Variants in STK3 observed in about 807,000 individuals in gnomAD.
The protein encoded by STK3 is serine/threonine kinase 3.
Under a neutral mutation model 58.0 loss-of-function variants are expected in STK3, and 41 were observed. The ratio of observed to expected loss-of-function variants is 0.71; its 90% CI spans 0.55 to 0.92. The LOEUF is 0.92. STK3 is among the 40% of genes least tolerant of loss of function. STK3 has a pLI of 0.00. For missense variants in STK3, 479 were observed against 602.7 expected, an observed-to-expected ratio of 0.79 and a Z score of 2.15; for synonymous variants, 170 against 191.0, an observed-to-expected ratio of 0.89 and a Z score of 0.91.
intron 6 of STK3, among the ~76,000 whole-genome samples, chr8:98,642,858 C>CTGTT (rs924875508): frequency 3.3e-5 from 5 of 152,196 alleles, no homozygotes; most frequent in African/African-American, 1.2e-4. Context: ...GACATCCAAA[C>CTGTT]TGTTTAAATC....
intron 1 of STK3, among the ~76,000 whole-genome samples, chr8:98,925,481 C>T (rs1259356531): frequency 1.3e-5 from 2 of 152,194 alleles, no homozygotes; most frequent in Admixed American, 6.5e-5. Context: ...ATGCCTCACT[C>T]ACTCATTTAC....
At chr8:98,385,565 G>A (rs1817782104) in intron 1 of STK3, among the ~76,000 whole-genome samples, 1 of 152,036 alleles carries the variant, frequency 6.6e-6, no homozygotes, top group African/African-American at 2.4e-5. Context: ...CAGGAAGGAG[G>A]GCGTCTCAGC....
chr8:98,545,748 CATCTT>C (rs1810648482), intron 9 of STK3, among the ~76,000 whole-genome samples: 1 of 152,124 alleles, frequency 6.6e-6, no homozygotes, highest in Non-Finnish European at 1.5e-5. Flanking sequence ...ATACTGCTAT[CATCTT>C]ATTAGGGAAC....
the STK3 span, among the ~76,000 whole-genome samples, chr8:98,347,397 C>A: frequency 6.6e-6 from 1 of 151,750 alleles, no homozygotes; most frequent in African/African-American, 2.4e-5. Context: ...CGCCTGTAGT[C>A]CCAGCTACTC....
chr8:98,420,677 AC>A (rs1399700570), intron 3 of STK3, among the ~76,000 whole-genome samples: 2 of 152,168 alleles, frequency 1.3e-5, no homozygotes, highest in Admixed American at 6.5e-5. Flanking sequence ...TACCACAGAG[AC>A]ATGTTTGAGT....
At chr8:98,472,571 T>C (rs1586646632) in intron 10 of STK3, among the ~76,000 whole-genome samples, 1 of 152,184 alleles carries the variant, frequency 6.6e-6, no homozygotes, top group South Asian at 2.1e-4. Flanking sequence ...GATAATTCTG[T>C]AAACAGGCAT....
rs1813705220 is a variant in STK3, at chr8:98,579,714, T to C, written c.898A>G (p.Lys300Glu). The C allele has an allele frequency of 1.2e-6, 2 of 1,610,682 alleles. No homozygotes were observed. Among genetic ancestry groups the C allele is most frequent in the African/African-American group, 1.3e-5 (1 of 74,756 alleles). Reference sequence around the variant, plus strand: ...TCTCGTTGCTGTTCCTCATGTCTTTTAGCTTTGATCTCCATAGCTTCTGTG... The same window carrying C: ...TCTCGTTGCTGTTCCTCATGTCTTTCAGCTTTGATCTCCATAGCTTCTGTG... ...LITEAMEIKA[K>E]RHEEQQRELE... Residue 300 changes from lysine (K) to glutamate (E), a missense_variant, in exon 8 of 11, where the codon AAA becomes GAA. Physicochemically the swap from Lys to Glu is moderately conservative, Grantham distance 56. This residue lies in a region of STK3 where 309 missense variants were observed against 355.7 expected (regional missense o/e 0.87). Transcript: ENST00000419617.
chr8:98,790,815 T>C (rs1832757579), intron 1 of STK3, among the ~76,000 whole-genome samples: 1 of 152,030 alleles, frequency 6.6e-6, no homozygotes, highest in African/African-American at 2.4e-5. Context: ...AAACCCCGTC[T>C]CTACTAAAAA....
chr8:98,496,327 G>A (rs968423983), intron 10 of STK3, among the ~76,000 whole-genome samples: 1 of 151,996 alleles, frequency 6.6e-6, no homozygotes, highest in African/African-American at 2.4e-5. Flanking sequence ...CAGGATACAA[G>A]ATCAATATAT....
intron 1 of STK3, among the ~76,000 whole-genome samples, chr8:98,381,997 C>T (rs1297937109): frequency 6.6e-6 from 1 of 152,132 alleles, no homozygotes; most frequent in Non-Finnish European, 1.5e-5. Context: ...TTTTTGTCAC[C>T]TCCCCCCACT....
intron 10 of STK3, among the ~76,000 whole-genome samples, chr8:98,461,181 A>G (rs1187325020): frequency 6.6e-6 from 1 of 152,094 alleles, no homozygotes; most frequent in Non-Finnish European, 1.5e-5. Context: ...AGTTAGGTGC[A>G]TATTTATTTA....
At chr8:98,524,931 T>G (rs1825639389) in intron 10 of STK3, among the ~76,000 whole-genome samples, 1 of 152,222 alleles carries the variant, frequency 6.6e-6, no homozygotes, top group Non-Finnish European at 1.5e-5. Flanking sequence ...AGTTGTTATT[T>G]TAAGCCATTA....
chr8:98,415,698 A>C (rs570204379), intron 3 of STK3, among the ~76,000 whole-genome samples: 7 of 152,358 alleles, frequency 4.6e-5, no homozygotes, highest in African/African-American at 1.7e-4. Flanking sequence ...TTGCTTTAAT[A>C]GGTTAAACAT....
At chr8:98,919,574 A>G (rs1474761955) in intron 1 of STK3, among the ~76,000 whole-genome samples, 1 of 152,210 alleles carries the variant, frequency 6.6e-6, no homozygotes, top group Non-Finnish European at 1.5e-5. Flanking sequence ...TGGGTGATGT[A>G]TCCATTTGTC....
chr8:98,737,421 CAAG>C (rs1693599349), intron 4 of STK3, among the ~76,000 whole-genome samples: 1 of 151,778 alleles, frequency 6.6e-6, no homozygotes, highest in Non-Finnish European at 1.5e-5. Flanking sequence ...GGGTACTAGG[CAAG>C]AATAATACAA....
At chr8:98,555,851 C>G (rs904900626) in intron 8 of STK3, among the ~76,000 whole-genome samples, 2 of 151,856 alleles carry the variant, frequency 1.3e-5, no homozygotes, top group African/African-American at 4.8e-5. Context: ...TAAGCCAAAT[C>G]TAACTTGAAG....
intron 6 of STK3, among the ~76,000 whole-genome samples, chr8:98,635,380 A>G (rs1488369226): frequency 2.6e-5 from 4 of 152,184 alleles, no homozygotes; most frequent in Admixed American, 2.0e-4. Flanking sequence ...CCAAAACCCT[A>G]TGAGGAAGTA....
intron 6 of STK3, among the ~76,000 whole-genome samples, chr8:98,675,678 C>T (rs950283721): frequency 9.1e-4 from 138 of 151,940 alleles, no homozygotes; most frequent in African/African-American, 3.2e-3. Flanking sequence ...CTGGCCAACA[C>T]GGTGAAACCC....
chr8:98,359,373 A>AG, the STK3 span, among the ~76,000 whole-genome samples: 1 of 140,074 alleles, frequency 7.1e-6, no homozygotes, highest in Non-Finnish European at 1.5e-5. Flanking sequence ...AAAAAAAAAA[A>AG]TTAGCCTGGT....
Sources: allele counts gnomAD v4.1 joint callset (sites outside exome capture counted in the v4.1 genomes callset), GRCh38; gene constraint gnomAD v4.1.1; regional missense constraint gnomAD v4.1.1; transcripts MANE v1.5; gene names NCBI Gene and HGNC (gene_info 2026-07-23, HGNC 2026-07-21).